The following DPP10 variants were observed in gnomAD, a reference collection of about 807,000 sequenced individuals.
DPP10 encodes inactive dipeptidyl peptidase 10.
In DPP10, 33 loss-of-function variants were observed where a neutral mutation model predicts 120.9. The ratio of observed to expected loss-of-function variants is 0.27; its 90% CI spans 0.21 to 0.37. DPP10 has a LOEUF of 0.37. Among genes scored for constraint, DPP10 ranks in the 10% least tolerant of loss-of-function variants. The pLI, the probability that DPP10 is intolerant of heterozygous loss-of-function variation, is 1.00. For missense variants in DPP10, 816 were observed against 942.8 expected (o/e 0.87, Z 1.76); for synonymous variants, 337 against 326.1 (o/e 1.03, Z -0.36).
chr2:115,385,083 T>C (rs1574659504), intron 3 of DPP10, among the ~76,000 whole-genome samples: 1 of 152,364 alleles, frequency 6.6e-6, no homozygotes, highest in South Asian at 2.1e-4. Flanking sequence ...CCCAGCCGTC[T>C]GTAACTGTAA....
intron 3 of DPP10, among the ~76,000 whole-genome samples, chr2:115,423,531 A>G (rs2104704157): frequency 6.6e-6 from 1 of 152,226 alleles, no homozygotes; most frequent in South Asian, 2.1e-4. Context: ...TCTGTGGAAA[A>G]TTTCTGCTGA....
At chr2:114,477,538 T>C (rs1680523706) in intron 1 of DPP10, among the ~76,000 whole-genome samples, 1 of 151,010 alleles carries the variant, frequency 6.6e-6, no homozygotes, top group Non-Finnish European at 1.5e-5. Context: ...TATATATATA[T>C]GTATATTGGA....
At chr2:114,516,744 A>T (rs1684623201) in intron 1 of DPP10, among the ~76,000 whole-genome samples, 1 of 152,246 alleles carries the variant, frequency 6.6e-6, no homozygotes, top group Non-Finnish European at 1.5e-5. Flanking sequence ...CATTAAACTC[A>T]AAAGAGAGTA....
chr2:115,713,473 C>T (rs940606643), intron 7 of DPP10, among the ~76,000 whole-genome samples: 2 of 152,074 alleles, frequency 1.3e-5, no homozygotes, highest in African/African-American at 2.4e-5. Context: ...CTGGGGATGA[C>T]TGGTGTGAAC....
intron 21 of DPP10, among the ~76,000 whole-genome samples, chr2:115,834,792 C>T (rs974688678): frequency 1.3e-5 from 2 of 152,056 alleles, no homozygotes; most frequent in South Asian, 2.1e-4. Context: ...GGCAGATTAA[C>T]AGGAGAAAAA....
intron 5 of DPP10, among the ~76,000 whole-genome samples, chr2:115,659,261 A>G (rs935081207): frequency 2.6e-5 from 4 of 152,108 alleles, no homozygotes; most frequent in African/African-American, 9.7e-5. Context: ...TTCTTTATAA[A>G]TTACCTAGTC....
intron 3 of DPP10, among the ~76,000 whole-genome samples, chr2:115,489,355 A>G (rs927606109): frequency 1.3e-5 from 2 of 151,122 alleles, no homozygotes; most frequent in African/African-American, 2.4e-5. Flanking sequence ...GACCAAACAG[A>G]CTCTCTCTTG....
chr2:115,338,814 A>T (rs1299616908), intron 2 of DPP10, among the ~76,000 whole-genome samples: 1 of 152,192 alleles, frequency 6.6e-6, no homozygotes, highest in Non-Finnish European at 1.5e-5. Flanking sequence ...AAAATAGAGC[A>T]GGGAGGAATA....
chr2:115,423,341 G>T lies in DPP10; in HGVS notation c.272-76169G>T, dbSNP rs555417847. Among the ~76,000 whole-genome samples the T allele has an allele frequency of 3.9e-5, 6 of 152,144 alleles. No homozygotes were observed. The South Asian group carries it at 1.2e-3, about 32-fold the overall frequency. ...GCTAGAAAGACTATTGAACAGAGAC[G>T]CTGTATGGTACATATTCTTATTAGA... is the stretch of plus-strand genomic sequence containing the variant. On this transcript the variant is annotated intron_variant, in intron 3 of 25. Coordinates refer to ENST00000410059, the MANE Select transcript of DPP10 (RefSeq NM_020868.6).
intron 1 of DPP10, among the ~76,000 whole-genome samples, chr2:114,670,221 G>A (rs1030923397): frequency 1.4e-4 from 22 of 152,120 alleles, no homozygotes; most frequent in African/African-American, 2.4e-4. Flanking sequence ...ACATGCACAC[G>A]TATGTTTATT....
chr2:114,553,629 G>C (rs975206031), intron 1 of DPP10, among the ~76,000 whole-genome samples: 1 of 152,188 alleles, frequency 6.6e-6, no homozygotes, highest in Non-Finnish European at 1.5e-5. Flanking sequence ...CAGCAAATAA[G>C]TTATAAGTGA....
chr2:114,705,888 C>T (rs1373588131), intron 1 of DPP10, among the ~76,000 whole-genome samples: 1 of 152,082 alleles, frequency 6.6e-6, no homozygotes, highest in Non-Finnish European at 1.5e-5. Context: ...ATATTATTTG[C>T]CCAGGTCCAT....
intron 1 of DPP10, among the ~76,000 whole-genome samples, chr2:115,031,867 A>G (rs1002761858): frequency 6.6e-6 from 1 of 152,190 alleles, no homozygotes; most frequent in African/African-American, 2.4e-5. Flanking sequence ...GATAATATTT[A>G]TAAAAATCAC....
At chr2:115,679,287 T>C (rs2090491158) in intron 5 of DPP10, among the ~76,000 whole-genome samples, 2 of 152,104 alleles carry the variant, frequency 1.3e-5, no homozygotes, top group African/African-American at 2.4e-5. Context: ...CTACATGTCA[T>C]AGGAGGGACC....
intron 1 of DPP10, among the ~76,000 whole-genome samples, chr2:115,150,833 A>T (rs928530390): frequency 6.6e-6 from 1 of 152,208 alleles, no homozygotes; most frequent in Non-Finnish European, 1.5e-5. Context: ...CTCATAGACA[A>T]TTTTCATATA....
intron 1 of DPP10, among the ~76,000 whole-genome samples, chr2:115,201,768 A>G (rs2055743731): frequency 6.6e-6 from 1 of 152,170 alleles, no homozygotes; most frequent in African/African-American, 2.4e-5. Context: ...ACAGTGGAGC[A>G]GTAAGAGAGT....
intron 1 of DPP10, among the ~76,000 whole-genome samples, chr2:115,114,836 G>A (rs950524905): frequency 3.9e-5 from 6 of 151,946 alleles, no homozygotes; most frequent in South Asian, 2.1e-4. Context: ...TTTCTACTTC[G>A]AGATTGAGAA....
intron 1 of DPP10, among the ~76,000 whole-genome samples, chr2:115,291,453 A>C (rs2105927503): frequency 6.6e-6 from 1 of 152,236 alleles, no homozygotes; most frequent in African/African-American, 2.4e-5. Flanking sequence ...CCCACCACAA[A>C]TTTCCAATAG....
At chr2:114,921,524 C>T (rs1232070127) in intron 1 of DPP10, among the ~76,000 whole-genome samples, 1 of 152,078 alleles carries the variant, frequency 6.6e-6, no homozygotes, top group Non-Finnish European at 1.5e-5. Context: ...GTAATAGTTT[C>T]TGGGTATCAT....
Sources: allele counts gnomAD v4.1 joint callset (sites outside exome capture counted in the v4.1 genomes callset), GRCh38; gene constraint gnomAD v4.1.1; transcripts MANE v1.5; gene names NCBI Gene and HGNC (gene_info 2026-07-23, HGNC 2026-07-21).